The following SOAT1 variants were observed in gnomAD, a reference collection of about 807,000 sequenced individuals.
SOAT1 encodes acyl-coenzyme A:cholesterol acyltransferase 1.
SOAT1 carries 55 observed loss-of-function variants against 69.5 expected under a neutral mutation model. The ratio of observed to expected loss-of-function variants is 0.79; its 90% CI spans 0.64 to 0.99. The LOEUF is 0.99. SOAT1 is among the 50% of genes least tolerant of loss of function. SOAT1 has a pLI of 0.00. For missense variants in SOAT1, 580 were observed against 669.3 expected, an observed-to-expected ratio of 0.87 and a Z score of 1.47; for synonymous variants, 231 against 224.7, an observed-to-expected ratio of 1.03 and a Z score of -0.25.
chr1:179,337,718 A>G (rs182950356), intron 4 of SOAT1, 119 bp from the exon 5 acceptor site: 413 of 628,906 alleles, frequency 6.6e-4, no homozygotes, highest in Non-Finnish European at 1.9e-4. Flanking sequence ...CTAGTAGTGA[A>G]AAGGTCATTG....
chr1:179,302,963 C>T (rs996853574), intron 2 of SOAT1, among the ~76,000 whole-genome samples, 161 bp downstream of exon 2: 2 of 152,054 alleles, frequency 1.3e-5, no homozygotes, highest in African/African-American at 2.4e-5. Flanking sequence ...AGTCCTTTCT[C>T]GTTAATTAAT....
intron 3 of SOAT1, among the ~76,000 whole-genome samples, chr1:179,333,412 A>G (rs903596875): frequency 2.7e-5 from 4 of 146,178 alleles, no homozygotes; most frequent in Admixed American, 1.4e-4. Context: ...AAAAAAAAAC[A>G]AAGTCTTGGC....
intron 3 of SOAT1, among the ~76,000 whole-genome samples, chr1:179,326,587 T>C (rs1665801394): frequency 6.9e-6 from 1 of 144,834 alleles, no homozygotes; most frequent in South Asian, 2.2e-4. Flanking sequence ...AGACAGAGTT[T>C]CACTGTGTCG....
Position 179,353,627 on chromosome 1 carries a change from C to T in SOAT1, c.1639C>T (p.Arg547Cys), listed in dbSNP as rs770741362. Residue 547 changes from arginine (R) to cysteine (C), a missense_variant, in exon 16 of 16, where the codon CGT becomes TGT. Transcript: ENST00000367619. ...TGTCCGGCCACGTTCCTGGACTTGT[C>T]GTTACGTGTTTTAGAAGCTTGGACT... ...DYVRPRSWTC[R>C]YVF 2.9e-5 allele frequency: 46 copies of T among 1,613,498 alleles called. No individual in the cohort carries two copies. The highest frequency in any genetic ancestry group is 5.0e-5 in the Admixed American group (3 of 59,942).
chr1:179,335,465 T>G (rs760328647), intron 3 of SOAT1, 41 bp from the exon 4 acceptor site: 16 of 1,554,696 alleles, frequency 1.0e-5, no homozygotes, highest in Non-Finnish European at 1.3e-5. Context: ...CTCACAAGCA[T>G]GTATTAGTTC....
chr1:179,341,676 A>G (rs972539629), intron 7 of SOAT1, among the ~76,000 whole-genome samples: 2 of 151,926 alleles, frequency 1.3e-5, no homozygotes, highest in Non-Finnish European at 2.9e-5. Context: ...CTGGGACTGC[A>G]GGCGCCTGCC....
chr1:179,316,189 A>G (rs1288820934), intron 2 of SOAT1, among the ~76,000 whole-genome samples: 2 of 152,132 alleles, frequency 1.3e-5, no homozygotes, highest in South Asian at 2.1e-4. Context: ...TTGTTATTAT[A>G]TGACCTAGCC....
At chr1:179,294,882 T>G (rs1467801429) in intron 1 of SOAT1, among the ~76,000 whole-genome samples, 1 of 152,208 alleles carries the variant, frequency 6.6e-6, no homozygotes, top group African/African-American at 2.4e-5. Context: ...TTAAACCACT[T>G]TTTTCTTTTT....
At chr1:179,300,704 T>C (rs567290153) in intron 1 of SOAT1, among the ~76,000 whole-genome samples, 21 of 152,328 alleles carry the variant, frequency 1.4e-4, no homozygotes, top group African/African-American at 3.4e-4. Flanking sequence ...TATATAGCTT[T>C]AAAATAATGT....
At chr1:179,300,714 T>A (rs1664805411) in intron 1 of SOAT1, among the ~76,000 whole-genome samples, 1 of 152,214 alleles carries the variant, frequency 6.6e-6, no homozygotes, top group Non-Finnish European at 1.5e-5. Context: ...TAAAATAATG[T>A]AATGAGTATT....
chr1:179,343,053 G>A, intron 9 of SOAT1, 110 bp downstream of exon 9: 1 of 814,722 alleles, frequency 1.2e-6, no homozygotes, highest in Non-Finnish European at 2.1e-6. Context: ...AATATAGAAT[G>A]AGTTTTCATT....
rs534541922 is a variant in SOAT1 at position 179,347,397 on chromosome 1, G to A, written c.1118-203G>A. 2.2e-3 allele frequency among the ~76,000 whole-genome samples: 323 copies of A among 148,716 alleles called. 2 individuals are homozygous for A. The highest frequency in any genetic ancestry group is 7.8e-3 in the African/African-American group (316 of 40,458). ...AAAACCAGACTGGGTAATGTCATTT[G>A]TTGAACCCACTTTGAAGGAAGTTAC... On this transcript the variant is annotated intron_variant, in intron 11 of 15. Transcript: ENST00000367619.
At chr1:179,313,010 C>T (rs958937445) in intron 2 of SOAT1, among the ~76,000 whole-genome samples, 5 of 152,164 alleles carry the variant, frequency 3.3e-5, no homozygotes, top group African/African-American at 9.7e-5. Context: ...ATCAGTTTCT[C>T]GCAAAGGCAG....
rs1221662055 is a variant in SOAT1 at position 179,319,331 on chromosome 1, G to A, written c.119-4106G>A. On this transcript the variant is annotated intron_variant, in intron 2 of 15. Coordinates refer to ENST00000367619, the MANE Select transcript of SOAT1 (RefSeq NM_003101.6). ...GTCACCCAGGCTGGAGAGCAATGGC[G>A]CGATCTCGGCTCACTGCAACCTCCG... Among the ~76,000 whole-genome samples the A allele has an allele frequency of 5.3e-4, 79 of 148,892 alleles. 1 individual carries two copies. Among genetic ancestry groups the A allele is most frequent in the Non-Finnish European group, 3.0e-5 (2 of 67,648 alleles).
rs1448111030 is a variant in SOAT1 at position 179,355,459 on chromosome 1, CTT to C, written c.*1820_*1821del. 2.0e-5 allele frequency: 3 copies of C among 152,102 alleles called. No homozygotes were observed. The highest frequency in any genetic ancestry group is 7.2e-5 in the African/African-American group (3 of 41,416). The allele number at this position is 152,102 out of a possible 1,614,324, so 9.4% of individuals were successfully genotyped here. On this transcript the variant is annotated 3_prime_UTR_variant, in exon 16 of 16. Coordinates refer to ENST00000367619, the MANE Select transcript of SOAT1 (RefSeq NM_003101.6). ...TATAAATATGACTCTTATGAGAAGA[CTT>C]TGTTGCTCTGTAGTGTTTCTGAATA...
chr1:179,333,439 C>T (rs1164388492), intron 3 of SOAT1, among the ~76,000 whole-genome samples: 1 of 151,322 alleles, frequency 6.6e-6, no homozygotes, highest in Non-Finnish European at 1.5e-5. Context: ...CAGTGGCTCA[C>T]ACCTGTAATC....
chr1:179,351,850 G>C (rs531540317), intron 15 of SOAT1, among the ~76,000 whole-genome samples: 32 of 150,736 alleles, frequency 2.1e-4, no homozygotes, highest in Non-Finnish European at 4.1e-4. Context: ...CTCCCGAGTA[G>C]CTGGGATTGC....
chr1:179,350,820 T>C (rs140065470), intron 14 of SOAT1, among the ~76,000 whole-genome samples: 4 of 152,278 alleles, frequency 2.6e-5, no homozygotes, highest in African/African-American at 9.6e-5. Context: ...CCATGAAATA[T>C]ATATACACAT....
Position 179,356,695 on chromosome 1 carries a change from AC to A in SOAT1, c.*3055del, listed in dbSNP as rs1327691360. 1.3e-5 allele frequency: 2 copies of A among 151,222 alleles called. No homozygotes were observed. The highest frequency in any genetic ancestry group is 2.9e-5 in the Non-Finnish European group (2 of 67,862). 9.4% of individuals were successfully genotyped at this position (151,222 alleles called of 1,614,324 possible). On this transcript the variant is annotated 3_prime_UTR_variant, in exon 16 of 16. Coordinates refer to ENST00000367619, the MANE Select transcript of SOAT1 (RefSeq NM_003101.6). ...AGTTTTTTAATGGAAGATAGCTCAT[AC>A]TTTGTTTTTGTTTTTAAAGAGACAG...
Sources: gnomAD v4.1 joint callset for allele counts (sites outside exome capture counted in the v4.1 genomes callset) on GRCh38, gnomAD v4.1.1 for gene constraint, MANE v1.5 for transcripts, NCBI Gene and HGNC (gene_info 2026-07-23, HGNC 2026-07-21) for gene names.